The following ETS1 variants were observed in gnomAD, a reference collection of about 807,000 sequenced individuals.
ETS1 encodes protein C-ets-1.
A neutral mutation model predicts 58.6 loss-of-function variants in ETS1; 15 were observed. That is an observed-to-expected ratio of 0.26 (90% CI 0.17 to 0.39). The LOEUF is 0.39. ETS1 is among the 10% of genes least tolerant of loss of function. ETS1 has a pLI of 1.00. For missense variants in ETS1, 417 were observed against 610.5 expected, an observed-to-expected ratio of 0.68 and a Z score of 3.34; for synonymous variants, 214 against 218.2, an observed-to-expected ratio of 0.98 and a Z score of 0.17.
chr11:128,543,474 A>C (rs776930943), intron 3 of ETS1, among the ~76,000 whole-genome samples: 1 of 152,166 alleles, frequency 6.6e-6, no homozygotes, highest in Non-Finnish European at 1.5e-5. Context: ...AAAGTAAGTG[A>C]CCAGTAACTA....
chr11:128,538,890 T>G (rs1864013517), intron 3 of ETS1, among the ~76,000 whole-genome samples: 1 of 152,068 alleles, frequency 6.6e-6, no homozygotes, highest in Non-Finnish European at 1.5e-5. Flanking sequence ...TGCCATAGAT[T>G]AAGGAGGTAG....
Position 128,553,060 on chromosome 11 carries a change from C to T in ETS1, c.214+3231G>A, listed in dbSNP as rs1356421819. Among the ~76,000 whole-genome samples the T allele has an allele frequency of 3.9e-5, 6 of 152,318 alleles. No homozygotes were observed. In the East Asian group the frequency reaches 1.2e-3, roughly 29 times the overall value. On this transcript the variant is annotated intron_variant, in intron 3 of 9. Transcript: ENST00000392668. ...CAGTCAGACTATAAACAGCAACAGA[C>T]ATTTCAGCCGTGTCTTGTGTAAGAG...
intron 8 of ETS1, among the ~76,000 whole-genome samples, chr11:128,477,182 T>C (rs1339006510): frequency 6.6e-6 from 1 of 152,234 alleles, no homozygotes; most frequent in African/African-American, 2.4e-5. Flanking sequence ...AATCTAAGCA[T>C]GCACCCTTTA....
chr11:128,523,010 C>T (rs988733943), intron 3 of ETS1, among the ~76,000 whole-genome samples: 8 of 152,088 alleles, frequency 5.3e-5, no homozygotes, highest in Non-Finnish European at 1.2e-4. Flanking sequence ...CATGAGCTTC[C>T]GTAAGCTTCC....
chr11:128,489,480 C>T lies in ETS1; in HGVS notation c.345G>A (p.Gln115=). ...AGTCCCGAACATGGGTTTCTGTCCA[C>T]TGCCGGGGGTCTGAGGAAAGAGATC... The part of the protein sequence containing the change: ...QRLGIPKDPR[Q]WTETHVRDWV... Residue 115 remains glutamine (Q), a synonymous_variant, in exon 5 of 10, where the codon CAG becomes CAA. Transcript: ENST00000392668. 6.2e-7 allele frequency: 1 copy of T among 1,613,760 alleles called. No homozygotes were observed. Among genetic ancestry groups the T allele is most frequent in the South Asian group, 1.1e-5 (1 of 91,074 alleles).
At chr11:128,529,892 A>T (rs942295286) in intron 3 of ETS1, among the ~76,000 whole-genome samples, 2 of 152,230 alleles carry the variant, frequency 1.3e-5, no homozygotes, top group African/African-American at 4.8e-5. Flanking sequence ...CAGAGGAAGT[A>T]AAATGCATAG....
chr11:128,484,680 T>A, intron 7 of ETS1, 143 bp downstream of exon 7: 2 of 701,120 alleles, frequency 2.9e-6, no homozygotes, highest in Non-Finnish European at 4.7e-6. Flanking sequence ...TCTTAGTATC[T>A]GGACACTCTA....
chr11:128,585,189 G>GAAA lies in ETS1; in HGVS notation c.-15+2298_-15+2299insTTT. Among the ~76,000 whole-genome samples, 3 of 12,206 alleles carry GAAA rather than the reference G, an allele frequency of 2.5e-4. 1 individual carries two copies. The highest frequency in any genetic ancestry group is 2.5e-3 in the South Asian group (1 of 406). 8.0% of individuals were successfully genotyped at this position (12,206 alleles called of 152,430 possible). A position where few individuals can be genotyped will look rare whatever the true frequency, so the allele number is the denominator to read the frequency against. On this transcript the variant is annotated intron_variant, in intron 1 of 9. Transcript: ENST00000392668. ...GAAAGAGAAAGAAAGAAAGAAAGAAGGAAGGAAAGAAAGAAAGAAAGAAAG... is the reference window on the plus strand; with the variant it reads ...GAAAGAGAAAGAAAGAAAGAAAGAAGAAAGAAGGAAAGAAAGAAAGAAAGAAAG...
At chr11:128,465,687 C>T (rs754682633) in intron 8 of ETS1, among the ~76,000 whole-genome samples, 16 of 152,168 alleles carry the variant, frequency 1.1e-4, no homozygotes, top group Non-Finnish European at 1.8e-4. Context: ...AAAGAAGCCT[C>T]GGAGGAGAGG....
intron 3 of ETS1, among the ~76,000 whole-genome samples, chr11:128,524,756 T>C (rs1449307164): frequency 6.6e-6 from 1 of 152,214 alleles, no homozygotes; most frequent in African/African-American, 2.4e-5. Context: ...TGTTGAATGA[T>C]GAACTATCAA....
At chr11:128,487,047 G>A (rs1456205833) in intron 5 of ETS1, among the ~76,000 whole-genome samples, 1 of 152,196 alleles carries the variant, frequency 6.6e-6, no homozygotes, top group Non-Finnish European at 1.5e-5. Flanking sequence ...TCCCAGTTGA[G>A]ATAAAATGAT....
intron 3 of ETS1, among the ~76,000 whole-genome samples, chr11:128,511,273 C>T (rs752693627): frequency 8.6e-5 from 13 of 151,580 alleles, no homozygotes; most frequent in Non-Finnish European, 1.9e-4. Flanking sequence ...AATAGGTAAA[C>T]AAAAATTGGA....
intron 3 of ETS1, among the ~76,000 whole-genome samples, chr11:128,506,340 C>T (rs1010058987): frequency 6.6e-6 from 1 of 152,248 alleles, no homozygotes; most frequent in Non-Finnish European, 1.5e-5. Context: ...TACTGGCCCA[C>T]TGCTATGAGC....
chr11:128,494,520 G>T (rs1048113859), intron 3 of ETS1, among the ~76,000 whole-genome samples: 12 of 152,284 alleles, frequency 7.9e-5, no homozygotes, highest in Admixed American at 3.3e-4. Context: ...TTTTCATTGT[G>T]GCCTAACCCT....
intron 3 of ETS1, 135 bp from the exon 4 acceptor site, chr11:128,490,711 G>T: frequency 3.8e-6 from 2 of 522,476 alleles, no homozygotes; most frequent in Admixed American, 3.6e-5. Context: ...ACCAGAGCAG[G>T]CAATTTTTTT....
intron 3 of ETS1, among the ~76,000 whole-genome samples, chr11:128,525,531 G>A (rs1053005492): frequency 6.7e-6 from 1 of 148,570 alleles, no homozygotes; most frequent in Non-Finnish European, 1.5e-5. Flanking sequence ...CTGAAGGTAG[G>A]TACAAAAACA....
At position 128,463,468 on chromosome 11, in the gene ETS1, T is replaced by C; in HGVS notation, c.1242+41A>G. 8.7e-7 allele frequency: 1 copy of C among 1,154,712 alleles called. No homozygotes were observed. Among genetic ancestry groups the C allele is most frequent in the Non-Finnish European group, 1.3e-6 (1 of 763,002 alleles). The allele number at this position is 1,154,712 out of a possible 1,614,324, so 71.5% of individuals were successfully genotyped here. ...CACCCCTTCCAGGAGTTTTCTCTCA[T>C]CCTTCCTCAACACAGTACTCGCAAG... On this transcript the variant is annotated intron_variant, in intron 9 of 9. Coordinates refer to ENST00000392668, the MANE Select transcript of ETS1 (RefSeq NM_001143820.2). The surrounding 1 kb of genome is among the most constrained non-coding windows in gnomAD (Gnocchi z 4.1).
At position 128,463,489 on chromosome 11, in the gene ETS1, G is replaced by C. The variant is rs375181159; in HGVS notation, c.1242+20C>G. 7.4e-7 allele frequency: 1 copy of C among 1,349,644 alleles called. No homozygotes were observed. The highest frequency in any genetic ancestry group is 1.7e-5 in the Admixed American group (1 of 59,574). 83.6% of individuals were successfully genotyped at this position (1,349,644 alleles called of 1,614,324 possible). A position where few individuals can be genotyped will look rare whatever the true frequency, so the allele number is the denominator to read the frequency against. ...CTCATCCTTCCTCAACACAGTACTC[G>C]CAAGCCCCTCCTTCCTTACCTCATC... On this transcript the variant is annotated intron_variant, in intron 9 of 9. Coordinates refer to ENST00000392668, the MANE Select transcript of ETS1 (RefSeq NM_001143820.2). The surrounding 1 kb of genome is among the most constrained non-coding windows in gnomAD (Gnocchi z 4.1).
chr11:128,522,377 G>GCCGCGTCTCGGCCGCTGGGT, intron 3 of ETS1: 3 of 987,362 alleles, frequency 3.0e-6, no homozygotes, highest in Non-Finnish European at 3.6e-6. Context: ...TTCTCGCGGC[G>GCCGCGTCTCGGCCGCTGGGT]CCGCGTCTCG....
Sources: gnomAD v4.1 joint callset for allele counts (sites outside exome capture counted in the v4.1 genomes callset) on GRCh38, gnomAD v4.1.1 for gene constraint, Gnocchi (gnomAD v3.1) non-coding constraint, MANE v1.5 for transcripts, NCBI Gene and HGNC (gene_info 2026-07-23, HGNC 2026-07-21) for gene names.